The following SH3TC2 variants were observed in gnomAD, a reference collection of about 807,000 sequenced individuals.
The protein encoded by SH3TC2 is SH3 domain and tetratricopeptide repeat-containing protein 2.
A neutral mutation model predicts 124.5 loss-of-function variants in SH3TC2; 87 were observed. The observed-to-expected ratio is 0.70, with a 90% confidence interval of 0.59 to 0.84. SH3TC2 has a LOEUF of 0.84. Among genes scored for constraint, SH3TC2 ranks in the 40% least tolerant of loss-of-function variants. The pLI, the probability that SH3TC2 is intolerant of heterozygous loss-of-function variation, is 0.00. For missense variants in SH3TC2, 1,536 were observed against 1,566.4 expected (o/e 0.98, Z 0.33); for synonymous variants, 634 against 628.5 (o/e 1.01, Z -0.13).
intron 9 of SH3TC2, among the ~76,000 whole-genome samples, chr5:149,029,171 T>C (rs966199161): frequency 1.3e-5 from 2 of 152,218 alleles, no homozygotes; most frequent in Non-Finnish European, 2.9e-5. Context: ...CACTTCTAAA[T>C]GTATCACATC....
rs10066882 is a variant in SH3TC2, at chr5:149,052,220, C to A, written c.73G>T (p.Asp25Tyr). The change falls in exon 2 of 17, where the codon GAT becomes TAT. Residue 25 changes from aspartate (D) to tyrosine (Y), a missense_variant. Physicochemically the swap from Asp to Tyr is radical, Grantham distance 160 (BLOSUM62 -3). Around this residue, in one of 3 missense-constraint regions of SH3TC2, gnomAD observed 1,102 missense variants for 1,098.6 expected, o/e 1.00. Coordinates refer to ENST00000515425, the MANE Select transcript of SH3TC2 (RefSeq NM_024577.4). ...ATACACTCACTCGATACAGTTGGAT[C>A]CTTGGAAGGAGTTTCTTTACCTGGA... ...RGPGKETPSK[D>Y]PTVSSECIAS... 326 of 1,612,876 alleles carry A rather than the reference C, an allele frequency of 2.0e-4. 1 individual carries two copies. The African/African-American group carries it at 3.8e-3, about 19-fold the overall frequency.
chr5:149,015,902 C>T (rs1753864879), intron 12 of SH3TC2, among the ~76,000 whole-genome samples: 1 of 152,198 alleles, frequency 6.6e-6, no homozygotes, highest in African/African-American at 2.4e-5. Flanking sequence ...CTCATTTAAT[C>T]CCCATAGAAA....
At chr5:149,055,199 T>C (rs1754626018) in intron 1 of SH3TC2, among the ~76,000 whole-genome samples, 1 of 152,138 alleles carries the variant, frequency 6.6e-6, no homozygotes, top group East Asian at 1.9e-4. Context: ...TAGAAACTTC[T>C]ATTAATCAAA....
chr5:149,041,831 A>G (rs1754376798), intron 5 of SH3TC2, among the ~76,000 whole-genome samples: 1 of 152,206 alleles, frequency 6.6e-6, no homozygotes, highest in African/African-American at 2.4e-5. Context: ...TTCAGTTAAA[A>G]CAGACACCAA....
intron 12 of SH3TC2, among the ~76,000 whole-genome samples, chr5:149,017,486 G>A (rs1463335944): frequency 6.6e-6 from 1 of 152,018 alleles, no homozygotes; most frequent in Non-Finnish European, 1.5e-5. Flanking sequence ...CTGAAGGCTG[G>A]GACAAAGTTT....
At chr5:149,021,348 A>G (rs918522571) in intron 12 of SH3TC2, among the ~76,000 whole-genome samples, 2 of 152,130 alleles carry the variant, frequency 1.3e-5, no homozygotes, top group African/African-American at 2.4e-5. Context: ...TCTCAAATCA[A>G]TACCTAATAT....
In SH3TC2 at chr5:148,985,307, C is replaced by T. The variant is rs186135032; in HGVS notation, c.*19404G>A. ...TTCTATGAGTTTTGGCAAATGCATT[C>T]AATGCCATCACTACTACAATCAAGA... On this transcript the variant is annotated 3_prime_UTR_variant, in exon 17 of 17. Transcript: ENST00000515425. 6.6e-6 allele frequency among the ~76,000 whole-genome samples: 1 copy of T among 152,226 alleles called. No individual in the cohort carries two copies. Among genetic ancestry groups the T allele is most frequent in the Non-Finnish European group, 1.5e-5 (1 of 68,010 alleles).
intron 1 of SH3TC2, among the ~76,000 whole-genome samples, chr5:149,062,085 T>TGCTCCTTA (rs1396578139): frequency 2.0e-5 from 3 of 152,124 alleles, no homozygotes. Context: ...AGCTAGGGGA[T>TGCTCCTTA]GCTCCTTAGC....
Position 149,027,150 on chromosome 5 carries a change from C to T in SH3TC2, c.2582G>A (p.Arg861Gln), listed in dbSNP as rs142971473. Residue 861 changes from arginine to glutamine, a missense_variant, in exon 11 of 17, where the codon CGG becomes CAG. Arg to Gln is a conservative substitution (Grantham distance 43). Around this residue, in one of 3 missense-constraint regions of SH3TC2, gnomAD observed 1,102 missense variants for 1,098.6 expected, o/e 1.00. Coordinates refer to ENST00000515425, the MANE Select transcript of SH3TC2 (RefSeq NM_024577.4). ...CACCTCCTGGGCTCTGTTCAAGGCC[C>T]GAAGATAGCTCTTGGCTGCCCTGTT... ...RVNRAAKSYL[R>Q]ALNRAQEVGD... 332 of 1,614,132 alleles carry T rather than the reference C, an allele frequency of 2.1e-4. No individual in the cohort carries two copies. The highest frequency in any genetic ancestry group is 3.3e-4 in the Middle Eastern group (2 of 6,062).
chr5:149,006,861 C>T lies in SH3TC2; in HGVS notation c.3675+20G>A. ...GGTTGGGTGGTGGCTGTCAGGAAAT[C>T]TGGGAAGTCTGGCTCTTACCTTCAG... On this transcript the variant is annotated intron_variant, in intron 16 of 16. Transcript: ENST00000515425. The T allele has an allele frequency of 6.2e-7, 1 of 1,611,776 alleles. No homozygotes were observed.
chr5:149,041,799 G>GA (rs1580910173), intron 5 of SH3TC2, among the ~76,000 whole-genome samples, 182 bp from the exon 6 acceptor site: 1 of 151,962 alleles, frequency 6.6e-6, no homozygotes, highest in East Asian at 1.9e-4. Flanking sequence ...ATACCAGGAA[G>GA]AAAAAAGCCA....
intron 14 of SH3TC2, among the ~76,000 whole-genome samples, chr5:149,009,886 C>T (rs917556360): frequency 1.3e-5 from 2 of 152,120 alleles, no homozygotes; most frequent in African/African-American, 4.8e-5. Flanking sequence ...CAAAAGCATT[C>T]ATCTACATAA....
intron 1 of SH3TC2, among the ~76,000 whole-genome samples, chr5:149,053,919 A>G (rs1447458821): frequency 1.3e-5 from 2 of 152,228 alleles, no homozygotes; most frequent in Non-Finnish European, 2.9e-5. Context: ...AGGGAGAAGT[A>G]GGGATGTTAA....
At chr5:149,037,529 G>A (rs768033833) in intron 8 of SH3TC2, among the ~76,000 whole-genome samples, 3 of 152,178 alleles carry the variant, frequency 2.0e-5, no homozygotes, top group Non-Finnish European at 2.9e-5. Flanking sequence ...TGTTCAGATC[G>A]TTAGACATTT....
Position 149,038,313 on chromosome 5 carries a change from G to A in SH3TC2, c.983C>T (p.Pro328Leu). 1 of 1,614,110 alleles carries A rather than the reference G, an allele frequency of 6.2e-7. No individual in the cohort carries two copies. The highest frequency in any genetic ancestry group is 2.2e-5 in the East Asian group (1 of 44,876). ...VGFVPTRNIDPDSYSPMSRNS... is the reference protein window; with the variant it reads ...VGFVPTRNIDLDSYSPMSRNS... ...TACTCACATTGGGGAATAAGAATCAGGATCTATGTTCCTGGTGGGGACAAA... is the reference window on the plus strand; with the variant it reads ...TACTCACATTGGGGAATAAGAATCAAGATCTATGTTCCTGGTGGGGACAAA... Residue 328 changes from proline to leucine, a missense_variant, in exon 8 of 17, where the codon CCT (proline) becomes CTT (leucine). Around this residue, in one of 3 missense-constraint regions of SH3TC2, gnomAD observed 1,102 missense variants for 1,098.6 expected, o/e 1.00. Coordinates refer to ENST00000515425, the MANE Select transcript of SH3TC2 (RefSeq NM_024577.4).
chr5:149,034,428 G>T, intron 8 of SH3TC2: 1 of 355,904 alleles, frequency 2.8e-6, no homozygotes, highest in South Asian at 2.3e-5. Context: ...TAAAAAGAAC[G>T]AGAGAGAGGC....
chr5:149,039,192 C>A (rs141972037), intron 7 of SH3TC2, among the ~76,000 whole-genome samples: 1 of 152,194 alleles, frequency 6.6e-6, no homozygotes, highest in Non-Finnish European at 1.5e-5. Flanking sequence ...TAGGATCTAG[C>A]AATGACCTTT....
rs553666828 is a variant in SH3TC2, at chr5:149,059,176, G to T, written c.52+3795C>A. ...TAGCTCCACTCCCAATTTTACTGTT[G>T]AGAAACTAAAGGCCCAGAGAGGAGT... On this transcript the variant is annotated intron_variant, in intron 1 of 16. Coordinates refer to ENST00000515425, the MANE Select transcript of SH3TC2 (RefSeq NM_024577.4). Among the ~76,000 whole-genome samples, 3 of 152,228 alleles carry T rather than the reference G, an allele frequency of 2.0e-5. No individual in the cohort carries two copies. The East Asian group carries it at 5.8e-4, about 29-fold the overall frequency.
rs771752979 is a variant in SH3TC2, at chr5:149,027,125, C to T, written c.2607G>A (p.Val869=). The T allele has an allele frequency of 1.9e-6, 3 of 1,614,154 alleles. No homozygotes were observed. Among genetic ancestry groups the T allele is most frequent in the East Asian group, 4.5e-5 (2 of 44,874 alleles). The part of the protein sequence containing the change: ...YLRALNRAQE[V]GDVHNQAVAM... ...CCACTGCCTGGTTATGCACATCTCC[C>T]ACCTCCTGGGCTCTGTTCAAGGCCC... The change falls in exon 11 of 17, where the codon GTG becomes GTA. Residue 869 remains valine (V), a synonymous_variant. Coordinates refer to ENST00000515425, the MANE Select transcript of SH3TC2 (RefSeq NM_024577.4).
Sources: gnomAD v4.1 joint callset for allele counts (sites outside exome capture counted in the v4.1 genomes callset) on GRCh38, gnomAD v4.1.1 for gene constraint, gnomAD v4.1.1 regional missense constraint, MANE v1.5 for transcripts, NCBI Gene and HGNC (gene_info 2026-07-23, HGNC 2026-07-21) for gene names.